The following APP variants were observed in gnomAD, a reference collection of about 807,000 sequenced individuals.
APP encodes amyloid-beta precursor protein.
In APP, 31 loss-of-function variants were observed where a neutral mutation model predicts 101.4. The ratio of observed to expected loss-of-function variants is 0.31; its 90% CI spans 0.23 to 0.41. The LOEUF (loss-of-function observed/expected upper bound fraction) is 0.41. Among genes scored for constraint, APP ranks in the 10% least tolerant of loss-of-function variants. The probability of loss-of-function intolerance (pLI) is 1.00; values close to 1 mark genes in which losing one functional copy is unlikely to be tolerated. For synonymous variants in APP, 366 were observed against 364.4 expected (o/e 1.00, Z -0.05); for missense variants, 839 against 1,003.7 (o/e 0.84, Z 2.22).
intron 1 of APP, among the ~76,000 whole-genome samples, chr21:26,155,529 G>GA (rs2063358225): frequency 6.6e-6 from 1 of 152,136 alleles, no homozygotes; most frequent in South Asian, 2.1e-4. Flanking sequence ...GGGCATGCAT[G>GA]ACGCCCAGAG....
At chr21:26,123,423 T>C (rs1471252638) in intron 1 of APP, among the ~76,000 whole-genome samples, 1 of 152,216 alleles carries the variant, frequency 6.6e-6, no homozygotes, top group Non-Finnish European at 1.5e-5. Context: ...TTATTTAGTT[T>C]AAGCCAAGAT....
chr21:26,019,403 C>A (rs1355491020), intron 6 of APP, among the ~76,000 whole-genome samples: 2 of 152,176 alleles, frequency 1.3e-5, no homozygotes, highest in Non-Finnish European at 2.9e-5. Flanking sequence ...CCCACCCACA[C>A]TTTTGGCTCT....
Position 25,954,764 on chromosome 21 carries a change from T to G in APP, c.1588-75A>C, listed in dbSNP as rs2041241081. The stretch of plus-strand genomic sequence containing the variant: ...TGGTTCTTTTTCTTTCTTTTTTTCT[T>G]TTTTTTTTGAGACGGAGTCTCGCTC... On this transcript the variant is annotated intron_variant, in intron 12 of 17. Coordinates refer to ENST00000346798, the MANE Select transcript of APP (RefSeq NM_000484.4). 6 of 1,325,852 alleles carry G rather than the reference T, an allele frequency of 4.5e-6. No individual in the cohort carries two copies. The African/African-American group carries it at 5.9e-5, about 13-fold the overall frequency. 82.1% of individuals were successfully genotyped at this position (1,325,852 alleles called of 1,614,324 possible).
At chr21:26,164,012 C>T (rs964131786) in intron 1 of APP, among the ~76,000 whole-genome samples, 15 of 152,088 alleles carry the variant, frequency 9.9e-5, no homozygotes, top group East Asian at 1.9e-4. Flanking sequence ...TTTGGGAGGC[C>T]GAGGCAGGCG....
chr21:26,090,041 A>G lies in APP; in HGVS notation c.257T>C (p.Val86Ala). 1.2e-6 allele frequency: 2 copies of G among 1,614,130 alleles called. No homozygotes were observed. The highest frequency in any genetic ancestry group is 1.7e-6 in the Non-Finnish European group (2 of 1,180,020). The change falls in exon 3 of 18, where the codon GTA (valine) becomes GCA (alanine). Residue 86 changes from valine (V) to alanine (A), a missense_variant. By Grantham distance (64) the Val-to-Ala change is moderately conservative. Coordinates refer to ENST00000346798, the MANE Select transcript of APP (RefSeq NM_000484.4). ...GATGGTCACTGGTTGGTTGGCTTCT[A>G]CCACATTGGTGATCTGCAGTTCAGG... Reference protein sequence around the residue: ...VYPELQITNVVEANQPVTIQN... With the variant: ...VYPELQITNVAEANQPVTIQN...
intron 1 of APP, among the ~76,000 whole-genome samples, chr21:26,148,887 C>T (rs1283973314): frequency 6.6e-6 from 1 of 152,222 alleles, no homozygotes; most frequent in Non-Finnish European, 1.5e-5. Flanking sequence ...GGGAAGCTTA[C>T]ATCATTTTCT....
intron 8 of APP, among the ~76,000 whole-genome samples, chr21:25,984,007 C>T (rs2042543486): frequency 6.6e-6 from 1 of 152,140 alleles, no homozygotes. Flanking sequence ...TGATAACATG[C>T]CGCAGGACAT....
intron 1 of APP, among the ~76,000 whole-genome samples, chr21:26,114,846 T>A (rs1424688322): frequency 6.6e-6 from 1 of 152,192 alleles, no homozygotes; most frequent in African/African-American, 2.4e-5. Flanking sequence ...TTTTTAAACA[T>A]TTTTTTCAAA....
intron 6 of APP, among the ~76,000 whole-genome samples, chr21:26,012,661 C>G (rs2043860393): frequency 6.6e-6 from 1 of 152,186 alleles, no homozygotes; most frequent in South Asian, 2.1e-4. Flanking sequence ...TGTACTTAAT[C>G]AGACCTATGG....
At chr21:25,968,322 C>CTTTTTT (rs34021818) in intron 11 of APP, among the ~76,000 whole-genome samples, 6 of 113,856 alleles carry the variant, frequency 5.3e-5, no homozygotes, top group Admixed American at 9.4e-5. Flanking sequence ...TTAAAAAAAT[C>CTTTTTT]TTTTTTTTTT....
intron 1 of APP, among the ~76,000 whole-genome samples, chr21:26,149,005 G>A (rs887053631): frequency 6.6e-6 from 1 of 152,220 alleles, no homozygotes; most frequent in Non-Finnish European, 1.5e-5. Flanking sequence ...GAGAAAAAGG[G>A]AAATAATGGA....
chr21:26,003,818 C>T (rs1298612551), intron 6 of APP, among the ~76,000 whole-genome samples: 1 of 152,200 alleles, frequency 6.6e-6, no homozygotes, highest in African/African-American at 2.4e-5. Flanking sequence ...CACTTCCCAA[C>T]ACTTTCCCTC....
chr21:26,100,273 C>T (rs1329112967), intron 2 of APP, among the ~76,000 whole-genome samples: 2 of 152,130 alleles, frequency 1.3e-5, no homozygotes, highest in African/African-American at 4.8e-5. Context: ...TTTATACAGA[C>T]CAGAAATGCA....
intron 1 of APP, among the ~76,000 whole-genome samples, chr21:26,127,145 T>C (rs1163072219): frequency 3.9e-5 from 6 of 152,066 alleles, no homozygotes; most frequent in South Asian, 2.1e-4. Context: ...GGTCAATTTA[T>C]AATAGTAATC....
intron 6 of APP, among the ~76,000 whole-genome samples, chr21:26,001,753 CCTCT>C (rs1278211649): frequency 6.0e-5 from 8 of 132,850 alleles, no homozygotes; most frequent in East Asian, 2.0e-4. Context: ...CCTGCCTCAG[CCTCT>C]CTAAGTGCTG....
chr21:25,883,592 C>A (rs1569001161), intron 17 of APP, among the ~76,000 whole-genome samples: 1 of 152,114 alleles, frequency 6.6e-6, no homozygotes, highest in Non-Finnish European at 1.5e-5. Flanking sequence ...ACTCCAGAGG[C>A]TGAGGCAGAA....
chr21:25,977,668 A>C (rs1425097659), intron 9 of APP, among the ~76,000 whole-genome samples: 1 of 152,256 alleles, frequency 6.6e-6, no homozygotes. Context: ...GGAGGAAACA[A>C]GATGGAATAA....
chr21:26,061,054 G>C (rs1164689637), intron 3 of APP, among the ~76,000 whole-genome samples: 1 of 152,154 alleles, frequency 6.6e-6, no homozygotes, highest in African/African-American at 2.4e-5. Flanking sequence ...ACCAGGAAGG[G>C]GGCTCTGGCA....
chr21:25,999,502 A>G (rs2043193532), intron 7 of APP, among the ~76,000 whole-genome samples: 1 of 152,144 alleles, frequency 6.6e-6, no homozygotes, highest in Non-Finnish European at 1.5e-5. Context: ...ACATTCCCTC[A>G]TCAGCACAAT....
Sources: allele counts gnomAD v4.1 joint callset (sites outside exome capture counted in the v4.1 genomes callset), GRCh38; gene constraint gnomAD v4.1.1; transcripts MANE v1.5; gene names NCBI Gene and HGNC (gene_info 2026-07-23, HGNC 2026-07-21).